ABI3BP: variants seen among roughly 807,000 people sequenced by gnomAD.
ABI3BP encodes target of Nesh-SH3.
In ABI3BP, 216 loss-of-function variants were observed where a neutral mutation model predicts 268.6. The observed-to-expected ratio is 0.80, with a 90% CI of 0.72 to 0.90. The LOEUF (loss-of-function observed/expected upper bound fraction) is 0.90. ABI3BP is among the 40% of genes least tolerant of loss of function. The pLI, the probability that ABI3BP is intolerant of heterozygous loss-of-function variation, is 0.00. For synonymous variants in ABI3BP, 730 were observed against 730.0 expected (o/e 1.00, Z 0.00); for missense variants, 2,090 against 2,182.4 (o/e 0.96, Z 0.84).
intron 8 of ABI3BP, 53 bp from the exon 9 acceptor site, chr3:100,874,986 T>C: frequency 8.5e-6 from 9 of 1,064,248 alleles, no homozygotes; most frequent in Non-Finnish European, 1.3e-5. Flanking sequence ...CATCATGACA[T>C]AAAATGAAGC....
At chr3:100,901,718 A>G (rs1222558748) in intron 3 of ABI3BP, among the ~76,000 whole-genome samples, 1 of 151,752 alleles carries the variant, frequency 6.6e-6, no homozygotes, top group Non-Finnish European at 1.5e-5. Context: ...GTGAGCTGAG[A>G]TTGCACCACT....
At chr3:100,807,939 A>G (rs1242198300) in intron 50 of ABI3BP, among the ~76,000 whole-genome samples, 3 of 152,022 alleles carry the variant, frequency 2.0e-5, no homozygotes, top group African/African-American at 2.4e-5. Flanking sequence ...CTCATCTTCA[A>G]TAACACAACA....
rs770635188 is a variant in ABI3BP, at chr3:100,794,953, G to A, written c.3916C>T (p.Pro1306Ser). The A allele has an allele frequency of 3.2e-6, 5 of 1,571,476 alleles. No homozygotes were observed. The highest frequency in any genetic ancestry group is 1.9e-5 in the Admixed American group (1 of 53,734). Residue 1306 changes from proline (P) to serine (S), a missense_variant, in exon 54 of 68, where the codon CCT becomes TCT. Pro to Ser is a moderately conservative substitution (Grantham distance 74, BLOSUM62 -1). Coordinates refer to ENST00000471714, the MANE Select transcript of ABI3BP (RefSeq NM_001375547.2). ...GTGGTCTGTAGTTCCTCTTGACTAG[G>A]ACTTGGGGAAATCATGGGTATAAAA... ...IPFIPMISPS[P>S]SQEELQTTLE...
chr3:100,829,151 A>AAAGAAG (rs894217094), intron 33 of ABI3BP, among the ~76,000 whole-genome samples: 4 of 151,564 alleles, frequency 2.6e-5, no homozygotes, highest in African/African-American at 9.7e-5. Flanking sequence ...AAAAAAAAAA[A>AAAGAAG]AAGAAGAAGA....
At chr3:100,827,558 G>A (rs973414147) in intron 34 of ABI3BP, among the ~76,000 whole-genome samples, 1 of 152,080 alleles carries the variant, frequency 6.6e-6, no homozygotes, top group African/African-American at 2.4e-5. Flanking sequence ...TTATGCTTCT[G>A]CACATCATAG....
intron 1 of ABI3BP, among the ~76,000 whole-genome samples, chr3:100,964,279 A>T (rs2080388083): frequency 6.6e-6 from 1 of 152,184 alleles, no homozygotes; most frequent in Non-Finnish European, 1.5e-5. Flanking sequence ...GTCCATTTGC[A>T]TAATAAGATT....
intron 1 of ABI3BP, among the ~76,000 whole-genome samples, chr3:100,940,257 A>G (rs981024591): frequency 6.6e-6 from 1 of 152,074 alleles, no homozygotes; most frequent in African/African-American, 2.4e-5. Flanking sequence ...CTGATTGGGG[A>G]AGTGATAAGT....
At chr3:100,820,951 A>T (rs1463691772) in intron 39 of ABI3BP, 103 bp downstream of exon 39, 16 of 936,596 alleles carry the variant, frequency 1.7e-5, no homozygotes. Flanking sequence ...ACAGAGAATG[A>T]TGATGTAGTC....
intron 1 of ABI3BP, among the ~76,000 whole-genome samples, chr3:100,968,129 T>G (rs530553413): frequency 3.3e-5 from 5 of 152,350 alleles, no homozygotes; most frequent in African/African-American, 1.2e-4. Context: ...ATATTCTGTA[T>G]ATGATTGAAG....
intron 1 of ABI3BP, among the ~76,000 whole-genome samples, chr3:100,939,033 T>C (rs913811961): frequency 6.6e-6 from 1 of 152,114 alleles, no homozygotes. Flanking sequence ...TTTCTAAATT[T>C]AAAGTTCTTA....
rs1287334605 is a variant in ABI3BP, at chr3:100,926,309, A to G, written c.252T>C (p.Ala84=). The change falls in exon 2 of 68, where the codon GCT becomes GCC. Residue 84 remains alanine (A), a synonymous_variant. Coordinates refer to ENST00000471714, the MANE Select transcript of ABI3BP (RefSeq NM_001375547.2). ...PLPAEGKFTE[A]IVDAEPKYLI... ...GATACCCAAACACCTTACCAACTAT[A>G]GCTTCTGTGAATTTCCCTTCAGCGG... 1 of 1,613,076 alleles carries G rather than the reference A, an allele frequency of 6.2e-7. No homozygotes were observed. The highest frequency in any genetic ancestry group is 8.5e-7 in the Non-Finnish European group (1 of 1,179,474).
At chr3:100,837,731 C>T (rs185251135) in intron 26 of ABI3BP, among the ~76,000 whole-genome samples, 8 of 151,966 alleles carry the variant, frequency 5.3e-5, no homozygotes, top group African/African-American at 1.4e-4. Context: ...CTCCAACCTG[C>T]GTGACAGAGC....
intron 7 of ABI3BP, 45 bp from the exon 8 acceptor site, chr3:100,875,624 G>C: frequency 7.2e-7 from 1 of 1,388,878 alleles, no homozygotes; most frequent in South Asian, 1.2e-5. Flanking sequence ...GGAAATAGGA[G>C]GCAGTAAGAA....
At chr3:100,926,616 A>G (rs2061876934) in intron 1 of ABI3BP, 135 bp from the exon 2 acceptor site, 1 of 761,304 alleles carries the variant, frequency 1.3e-6, no homozygotes, top group Non-Finnish European at 2.2e-6. Flanking sequence ...TCAGTATTAC[A>G]GCACACACCC....
intron 53 of ABI3BP, among the ~76,000 whole-genome samples, chr3:100,795,485 A>G (rs1349598656): frequency 4.6e-5 from 7 of 152,086 alleles, no homozygotes; most frequent in Admixed American, 1.3e-4. Flanking sequence ...CTAGTATGTT[A>G]CATTACAGCT....
At chr3:100,913,170 G>T (rs1398120572) in intron 2 of ABI3BP, among the ~76,000 whole-genome samples, 3 of 152,156 alleles carry the variant, frequency 2.0e-5, no homozygotes, top group East Asian at 1.9e-4. Flanking sequence ...CGGTGACAAA[G>T]AACTGACTAA....
Position 100,886,190 on chromosome 3 carries a change from C to CCA in ABI3BP, c.593_594dup (p.Glu199TrpfsTer21). 1 of 1,605,482 alleles carries CCA rather than the reference C, an allele frequency of 6.2e-7. No individual in the cohort carries two copies. Among genetic ancestry groups the CCA allele is most frequent in the Non-Finnish European group, 8.5e-7 (1 of 1,175,792 alleles). On this transcript the variant is annotated frameshift_variant, in exon 5 of 68. Coordinates refer to ENST00000471714, the MANE Select transcript of ABI3BP (RefSeq NM_001375547.2). LOFTEE classifies it high-confidence loss of function. Reference sequence around the variant, plus strand: ...AAAATCTTACTCCAAATTCCACCTTCCACATTGTCTTTCACTCCAAATTCA... The same window carrying CCA: ...AAAATCTTACTCCAAATTCCACCTTCCACACATTGTCTTTCACTCCAAATTCA...
intron 6 of ABI3BP, 106 bp from the exon 7 acceptor site, chr3:100,876,666 T>A: frequency 1.0e-6 from 1 of 986,454 alleles, no homozygotes; most frequent in Non-Finnish European, 1.6e-6. Context: ...TTCAATGAAG[T>A]CTCCTGTGAC....
chr3:100,921,908 A>G (rs2060342443), intron 2 of ABI3BP, among the ~76,000 whole-genome samples: 1 of 152,348 alleles, frequency 6.6e-6, no homozygotes, highest in Middle Eastern at 3.4e-3. Context: ...CAGCTTCTCA[A>G]TTCAATGGTA....
Sources: allele counts gnomAD v4.1 joint callset (sites outside exome capture counted in the v4.1 genomes callset), GRCh38; gene constraint gnomAD v4.1.1; transcripts MANE v1.5; gene names NCBI Gene and HGNC (gene_info 2026-07-23, HGNC 2026-07-21).